RFLNA: variants seen among roughly 807,000 people sequenced by gnomAD.
RFLNA encodes the protein refilin-A.
In RFLNA, 5 loss-of-function variants were observed where a neutral mutation model predicts 7.8. That is an observed-to-expected ratio of 0.64 (90% CI 0.34 to 1.35). The LOEUF (loss-of-function observed/expected upper bound fraction) is 1.35, where lower values mean the gene tolerates loss of function less well. Ranked by LOEUF, RFLNA falls within the 40% of genes most tolerant of loss-of-function variation. RFLNA has a pLI of 0.04. For synonymous variants in RFLNA, 141 were observed against 131.3 expected (o/e 1.07, Z -0.50); for missense variants, 278 against 305.5 (o/e 0.91, Z 0.67).
At chr12:124,309,126 G>A (rs2034190350) in intron 1 of RFLNA, among the ~76,000 whole-genome samples, 1 of 152,210 alleles carries the variant, frequency 6.6e-6, no homozygotes, top group Non-Finnish European at 1.5e-5. Flanking sequence ...CCTGGGTGCT[G>A]TTTGTGGCTG....
At chr12:124,305,582 G>A (rs2034123600) in intron 1 of RFLNA, among the ~76,000 whole-genome samples, 1 of 152,190 alleles carries the variant, frequency 6.6e-6, no homozygotes, top group African/African-American at 2.4e-5. Flanking sequence ...CCATTCCTGT[G>A]CCTGTTCTGG....
chr12:124,310,194 A>AAAAAAAAAAAAAAAAAAAAAAAAC (rs2034216145), intron 1 of RFLNA, among the ~76,000 whole-genome samples: 2 of 146,900 alleles, frequency 1.4e-5, no homozygotes, highest in Non-Finnish European at 3.0e-5. Context: ...AAAAAAAAAA[A>AAAAAAAAAAAAAAAAAAAAAAAAC]AAGCCTTTAG....
chr12:124,296,464 T>C (rs2033931441), intron 1 of RFLNA, among the ~76,000 whole-genome samples: 2 of 143,422 alleles, frequency 1.4e-5, no homozygotes, highest in African/African-American at 2.4e-5. Context: ...AAATGACAAG[T>C]TGAAATGAGT....
chr12:124,295,140 G>T lies in RFLNA; in HGVS notation c.-290G>T. 1.3e-5 allele frequency: 2 copies of T among 151,906 alleles called. No individual in the cohort carries two copies. Among genetic ancestry groups the T allele is most frequent in the South Asian group, 3.8e-4 (2 of 5,268 alleles). The allele number at this position is 151,906 out of a possible 1,614,324, so 9.4% of individuals were successfully genotyped here. A position where few individuals can be genotyped will look rare whatever the true frequency, so the allele number is the denominator to read the frequency against. On this transcript the variant is annotated 5_prime_UTR_variant, in exon 1 of 3. Transcript: ENST00000546355. ...GCGCCTCGGGGCTGGGCCGGCCTGC[G>T]GGATCGCAGCGCAGCGCAGAGGCGA...
At chr12:124,300,800 A>ATGGATGGATGGATGGACAGAAGAATGGG in intron 1 of RFLNA, among the ~76,000 whole-genome samples, 1 of 149,940 alleles carries the variant, frequency 6.7e-6, no homozygotes, top group African/African-American at 2.5e-5. Flanking sequence ...GGATGGATGG[A>ATGGATGGATGGATGGACAGAAGAATGGG]TGGATGGATG....
rs1024335100 is a variant in RFLNA, at chr12:124,306,725, C to T, written c.208-5093C>T. Among the ~76,000 whole-genome samples the T allele has an allele frequency of 8.5e-5, 13 of 152,112 alleles. No homozygotes were observed. The highest frequency in any genetic ancestry group is 3.1e-4 in the African/African-American group (13 of 41,414). On this transcript the variant is annotated intron_variant, in intron 1 of 2. Transcript: ENST00000546355. This position sits in a 1 kb window ranked among gnomAD's most constrained non-coding sequence, Gnocchi z 5.2. ...AGGATCAGATGAGTAGGATATGTGG[C>T]GAGTGCCCAGAATGGTGCCCGGCAC...
At chr12:124,302,386 G>C (rs2034053139) in intron 1 of RFLNA, among the ~76,000 whole-genome samples, 1 of 152,146 alleles carries the variant, frequency 6.6e-6, no homozygotes, top group Admixed American at 6.5e-5. Context: ...GTCAGATCCT[G>C]GGCTCGTGGG....
intron 1 of RFLNA, 153 bp from the exon 2 acceptor site, chr12:124,311,665 G>A (rs948061741): frequency 4.7e-6 from 3 of 636,534 alleles, no homozygotes; most frequent in Non-Finnish European, 5.0e-6. Context: ...TTCCTGATGG[G>A]CCCCACAAAG....
chr12:124,296,655 C>A (rs59703390), intron 1 of RFLNA, among the ~76,000 whole-genome samples: 6 of 152,152 alleles, frequency 3.9e-5, no homozygotes, highest in Non-Finnish European at 8.8e-5. Flanking sequence ...CGGAAAGGAG[C>A]GGCTCCCCGG....
intron 1 of RFLNA, among the ~76,000 whole-genome samples, chr12:124,308,406 A>G (rs1176638311): frequency 6.6e-6 from 1 of 152,100 alleles, no homozygotes; most frequent in Non-Finnish European, 1.5e-5. Context: ...GATCCTGTCC[A>G]CAGGGTCTGC....
At position 124,314,289 on chromosome 12, in the gene RFLNA, G is replaced by A. The variant is rs1357599685; in HGVS notation, c.415G>A (p.Val139Met). 8.7e-6 allele frequency: 14 copies of A among 1,613,460 alleles called. No individual in the cohort carries two copies. Among genetic ancestry groups the A allele is most frequent in the African/African-American group, 4.0e-5 (3 of 74,946 alleles). The change falls in exon 3 of 3, where the codon GTG becomes ATG. Residue 139 changes from valine to methionine, a missense_variant. Physicochemically the swap from Val to Met is conservative, Grantham distance 21. Transcript: ENST00000546355. Reference sequence around the variant, plus strand: ...CGTCACGGCCTACAGCGAGACCATCGTGGCAGCACCCAACTGCACGTGGCG... The same window carrying A: ...CGTCACGGCCTACAGCGAGACCATCATGGCAGCACCCAACTGCACGTGGCG... Reference protein sequence around the residue: ...PTVTAYSETIVAAPNCTWRNY... With the variant: ...PTVTAYSETIMAAPNCTWRNY...
intron 2 of RFLNA, among the ~76,000 whole-genome samples, chr12:124,312,964 T>A (rs1327828835): frequency 6.6e-6 from 1 of 152,152 alleles, no homozygotes; most frequent in Non-Finnish European, 1.5e-5. Context: ...GCTCTCTCCA[T>A]CCACTCGTCC....
chr12:124,308,740 G>A (rs904492194), intron 1 of RFLNA, among the ~76,000 whole-genome samples: 2 of 152,264 alleles, frequency 1.3e-5, no homozygotes, highest in Non-Finnish European at 2.9e-5. Flanking sequence ...GGCTCTGGGA[G>A]GAGCAGAGCC....
At chr12:124,300,795 G>C (rs1299925135) in intron 1 of RFLNA, among the ~76,000 whole-genome samples, 1 of 150,824 alleles carries the variant, frequency 6.6e-6, no homozygotes, top group Non-Finnish European at 1.5e-5. Context: ...TGGATGGATG[G>C]ATGGATGGAT....
chr12:124,294,351 G>T (rs1227957319), upstream of RFLNA, among the ~76,000 whole-genome samples: 2 of 152,188 alleles, frequency 1.3e-5, no homozygotes, highest in African/African-American at 4.8e-5. Flanking sequence ...TTGCAGAATG[G>T]AAGGATGGAT....
upstream of RFLNA, among the ~76,000 whole-genome samples, chr12:124,293,774 TC>T (rs2135668707): frequency 6.6e-6 from 1 of 152,300 alleles, no homozygotes; most frequent in East Asian, 1.9e-4. Context: ...TCTGTCAGTG[TC>T]CGGCATGCAC....
At chr12:124,301,899 A>G (rs2034044420) in intron 1 of RFLNA, among the ~76,000 whole-genome samples, 1 of 152,194 alleles carries the variant, frequency 6.6e-6, no homozygotes, top group South Asian at 2.1e-4. Context: ...TTAACACAGA[A>G]GAAATTCATC....
intron 2 of RFLNA, 87 bp from the exon 3 acceptor site, chr12:124,314,105 C>T: frequency 6.7e-7 from 1 of 1,490,572 alleles, no homozygotes; most frequent in Non-Finnish European, 9.0e-7. Context: ...AGCATCTGCC[C>T]AGGGCCCTTT....
Position 124,314,415 on chromosome 12 carries a change from A to G in RFLNA, c.541A>G (p.Thr181Ala). The part of the protein sequence containing the change: ...FPKHARSTFR[T>A]TLHCSLGRPS... ...CAAGCATGCCAGGAGCACTTTCCGG[A>G]CCACCCTGCACTGCAGCCTGGGCCG... The change falls in exon 3 of 3, where the codon ACC (threonine) becomes GCC (alanine). Residue 181 changes from threonine (T) to alanine (A), a missense_variant. By Grantham distance (58) the Thr-to-Ala change is moderately conservative (BLOSUM62 0). Transcript: ENST00000546355. 1 of 1,606,504 alleles carries G rather than the reference A, an allele frequency of 6.2e-7. No homozygotes were observed.
Sources: allele counts gnomAD v4.1 joint callset (sites outside exome capture counted in the v4.1 genomes callset), GRCh38; gene constraint gnomAD v4.1.1; non-coding constraint Gnocchi (gnomAD v3.1); transcripts MANE v1.5; gene names NCBI Gene and HGNC (gene_info 2026-07-23, HGNC 2026-07-21).